Variants in DAO observed in about 807,000 individuals in gnomAD.
The protein encoded by DAO is D-amino-acid oxidase.
A neutral mutation model predicts 50.1 loss-of-function variants in DAO; 51 were observed. That is an observed-to-expected ratio of 1.02 (90% confidence interval 0.81 to 1.29). The LOEUF is 1.29. Ranked by LOEUF, DAO falls within the 50% of genes most tolerant of loss-of-function variation. DAO has a pLI of 0.00. For missense variants in DAO, 436 were observed against 439.4 expected, an observed-to-expected ratio of 0.99 and a Z score of 0.07; for synonymous variants, 160 against 166.2, an observed-to-expected ratio of 0.96 and a Z score of 0.29.
rs371711460 is a variant in DAO at position 108,896,246 on chromosome 12, AC to A, written c.613-756del. 2.2e-3 allele frequency among the ~76,000 whole-genome samples: 330 copies of A among 151,300 alleles called. 7 individuals carry two copies. In the East Asian group the frequency reaches 0.056, roughly 25 times the overall value. On this transcript the variant is annotated intron_variant, in intron 7 of 10. Coordinates refer to ENST00000228476, the MANE Select transcript of DAO (RefSeq NM_001917.5). Reference sequence around the variant, plus strand: ...AGACCAGCCTGGCCAACGTGGTGAAACCCCATCTCTACTAAAAATACAAAAA... The same window carrying A: ...AGACCAGCCTGGCCAACGTGGTGAAACCCATCTCTACTAAAAATACAAAAA...
In DAO at chr12:108,892,231, C is replaced by T. The variant is rs1458557652; in HGVS notation, c.453-751C>T. Among the ~76,000 whole-genome samples, 7 of 143,610 alleles carry T rather than the reference C, an allele frequency of 4.9e-5. No individual in the cohort carries two copies. The East Asian group carries it at 6.3e-4, about 13-fold the overall frequency. 94.2% of individuals were successfully genotyped at this position (143,610 alleles called of 152,430 possible). A position where few individuals can be genotyped will look rare whatever the true frequency, so the allele number is the denominator to read the frequency against. ...AGGCTGGAGAGCAGTGGCGCAATCTCGGCTCACTGCAAGCTCCGCCTCCTG... is the reference window on the plus strand; with the variant it reads ...AGGCTGGAGAGCAGTGGCGCAATCTTGGCTCACTGCAAGCTCCGCCTCCTG... On this transcript the variant is annotated intron_variant, in intron 5 of 10. Coordinates refer to ENST00000228476, the MANE Select transcript of DAO (RefSeq NM_001917.5).
chr12:108,888,869 A>G (rs2039460705), intron 3 of DAO, among the ~76,000 whole-genome samples: 1 of 152,186 alleles, frequency 6.6e-6, no homozygotes. Context: ...ATAGGGGTTA[A>G]GAACATGAAC....
Position 108,898,667 on chromosome 12 carries a change from A to C in DAO, c.696-12A>C, listed in dbSNP as rs1162510826. ...TTTTCCTTCATCCTTGACCCTCCTC[A>C]TTTGTATCTAGGACCCAGACAGTTA... is the stretch of plus-strand genomic sequence containing the variant. On this transcript the variant is annotated splice_polypyrimidine_tract_variant and intron_variant, in intron 8 of 10. Transcript: ENST00000228476. 6.4e-7 allele frequency: 1 copy of C among 1,573,108 alleles called. No individual in the cohort carries two copies. The highest frequency in any genetic ancestry group is 8.8e-7 in the Non-Finnish European group (1 of 1,142,820).
intron 7 of DAO, among the ~76,000 whole-genome samples, chr12:108,895,795 G>A (rs1395860712): frequency 3.3e-5 from 5 of 151,836 alleles, no homozygotes; most frequent in Admixed American, 6.6e-5. Context: ...ATGTGCACCT[G>A]TGAATGTTCA....
chr12:108,896,236 A>G (rs1190494807), intron 7 of DAO, among the ~76,000 whole-genome samples: 2 of 151,598 alleles, frequency 1.3e-5, no homozygotes, highest in Non-Finnish European at 2.9e-5. Flanking sequence ...AGCCTGGCCA[A>G]CGTGGTGAAA....
chr12:108,884,190 T>C (rs1187635932), intron 1 of DAO, among the ~76,000 whole-genome samples: 2 of 152,274 alleles, frequency 1.3e-5, no homozygotes, highest in South Asian at 2.1e-4. Context: ...GCGTCTGTCA[T>C]GCTCATAGCT....
chr12:108,899,587 G>T, intron 10 of DAO, 112 bp downstream of exon 10: 1 of 931,442 alleles, frequency 1.1e-6, no homozygotes, highest in East Asian at 2.6e-5. Flanking sequence ...TCCATAGCAG[G>T]CAGGGGCAGT....
intron 4 of DAO, 77 bp downstream of exon 4, chr12:108,889,622 G>T (rs1254737356): frequency 7.8e-6 from 9 of 1,160,488 alleles, no homozygotes; most frequent in Non-Finnish European, 1.2e-5. Flanking sequence ...GCAGAGGGTA[G>T]AGGCACCAGA....
At chr12:108,887,002 G>A (rs2039442635) in intron 2 of DAO, among the ~76,000 whole-genome samples, 1 of 152,216 alleles carries the variant, frequency 6.6e-6, no homozygotes, top group African/African-American at 2.4e-5. Flanking sequence ...TTAGCTGCGA[G>A]AGGGTCTAGG....
intron 9 of DAO, 30 bp from the exon 10 acceptor site, chr12:108,899,347 G>C: frequency 4.4e-6 from 7 of 1,585,452 alleles, no homozygotes; most frequent in Non-Finnish European, 6.0e-6. Flanking sequence ...AAAAAATCCA[G>C]AAATGAGTGA....
At chr12:108,899,661 C>T in intron 10 of DAO, 186 bp downstream of exon 10, 1 of 654,876 alleles carries the variant, frequency 1.5e-6, no homozygotes, top group South Asian at 1.7e-5. Context: ...TAAGGACCTG[C>T]TCAAGGTTAC....
chr12:108,888,340 AT>A lies in DAO; in HGVS notation c.309+789del, dbSNP rs35167645. Among the ~76,000 whole-genome samples the A allele has an allele frequency of 2.8e-3, 405 of 145,654 alleles. 4 individuals carry two copies. Among genetic ancestry groups the A allele is most frequent in the East Asian group, 0.017 (83 of 4,980 alleles). The stretch of plus-strand genomic sequence containing the variant: ...TGTTACCTTTCATGGGACCAAGAGT[AT>A]TTTTTTTTTTTTGAGACAGGGTCTC... On this transcript the variant is annotated intron_variant, in intron 3 of 10. Coordinates refer to ENST00000228476, the MANE Select transcript of DAO (RefSeq NM_001917.5).
chr12:108,896,320 G>A (rs2039554761), intron 7 of DAO, among the ~76,000 whole-genome samples: 1 of 149,686 alleles, frequency 6.7e-6, no homozygotes. Flanking sequence ...CTACTCGGGA[G>A]GCTGACGCAG....
chr12:108,899,642 AATG>A, intron 10 of DAO, 167 bp downstream of exon 10: 1 of 690,040 alleles, frequency 1.4e-6, no homozygotes, highest in South Asian at 1.6e-5. Context: ...ACTGAGGCTC[AATG>A]ATGGTTAAGG....
At chr12:108,881,601 A>ATTTTTCT (rs1566033319) in intron 1 of DAO, among the ~76,000 whole-genome samples, 1 of 99,208 alleles carries the variant, frequency 1.0e-5, no homozygotes. Context: ...TTCCTTTTAA[A>ATTTTTCT]TTTTTTTTTT....
Position 108,889,489 on chromosome 12 carries a change from A to T in DAO, c.330A>T (p.Thr110=), listed in dbSNP as rs768013075. The T allele has an allele frequency of 6.2e-7, 1 of 1,612,672 alleles. No homozygotes were observed. The highest frequency in any genetic ancestry group is 1.1e-5 in the South Asian group (1 of 91,058). Residue 110 remains threonine, a synonymous_variant, in exon 4 of 11, where the codon ACA becomes ACT. Transcript: ENST00000228476. Reference sequence around the variant, plus strand: ...TTCAGGACCCTTCCTGGAAGGACACAGTTCTGGGATTTCGGAAGCTGACCC... The same window carrying T: ...TTCAGGACCCTTCCTGGAAGGACACTGTTCTGGGATTTCGGAAGCTGACCC... The part of the protein sequence containing the change: ...EAIPDPSWKD[T]VLGFRKLTPR...
rs1258151955 is a variant in DAO, at chr12:108,894,165, G to C, written c.508-98G>C. On this transcript the variant is annotated intron_variant, in intron 6 of 10. Transcript: ENST00000228476. ...ACCTCTCCCCACTGTTCATCAGGGAGTAGACAGATTGAGGGTAGAAGAAAG... is the reference window on the plus strand; with the variant it reads ...ACCTCTCCCCACTGTTCATCAGGGACTAGACAGATTGAGGGTAGAAGAAAG... The C allele has an allele frequency of 4.3e-6, 4 of 926,054 alleles. No homozygotes were observed. In the African/African-American group the frequency reaches 4.9e-5, roughly 11 times the overall value. The allele number at this position is 926,054 out of a possible 1,614,324, so 57.4% of individuals were successfully genotyped here.
At chr12:108,895,436 T>C (rs1457707069) in intron 7 of DAO, among the ~76,000 whole-genome samples, 1 of 145,020 alleles carries the variant, frequency 6.9e-6, no homozygotes, top group Non-Finnish European at 1.5e-5. Context: ...TGTGTGCATA[T>C]GTGTGACGGT....
chr12:108,885,083 T>C lies in DAO; in HGVS notation c.77T>C (p.Val26Ala). 1.2e-6 allele frequency: 2 copies of C among 1,614,208 alleles called. No individual in the cohort carries two copies. Among genetic ancestry groups the C allele is most frequent in the Non-Finnish European group, 1.7e-6 (2 of 1,180,030 alleles). Residue 26 changes from valine (V) to alanine (A), a missense_variant, in exon 2 of 11, where the codon GTC becomes GCC. Physicochemically the swap from Val to Ala is moderately conservative, Grantham distance 64. Coordinates refer to ENST00000228476, the MANE Select transcript of DAO (RefSeq NM_001917.5). ...ALCIHERYHS[V>A]LQPLDIKVYA... ...TGCATCCATGAGCGCTACCACTCAG[T>C]CCTGCAGCCACTGGACATAAAGGTC...
Sources: allele counts gnomAD v4.1 joint callset (sites outside exome capture counted in the v4.1 genomes callset), GRCh38; gene constraint gnomAD v4.1.1; transcripts MANE v1.5; gene names NCBI Gene and HGNC (gene_info 2026-07-23, HGNC 2026-07-21).